DOCK3: variants seen among roughly 807,000 people sequenced by gnomAD.
DOCK3 encodes the protein dedicator of cytokinesis 3, also known as dedicator of cytokinesis protein 3.
Under a neutral mutation model 265.6 loss-of-function variants are expected in DOCK3, and 60 were observed. The ratio of observed to expected loss-of-function variants is 0.23; its 90% confidence interval spans 0.18 to 0.28. The LOEUF (loss-of-function observed/expected upper bound fraction) is 0.28, where lower values mean the gene tolerates loss of function less well. DOCK3 is among the 10% of genes least tolerant of loss of function. The probability of loss-of-function intolerance (pLI) is 1.00; values close to 1 mark genes in which losing one functional copy is unlikely to be tolerated. For synonymous variants in DOCK3, 881 were observed against 938.0 expected (o/e 0.94, Z 1.11); for missense variants, 1,981 against 2,594.3 (o/e 0.76, Z 5.14).
chr3:50,868,972 CA>C (rs1339842794), intron 3 of DOCK3, among the ~76,000 whole-genome samples: 14 of 115,088 alleles, frequency 1.2e-4, no homozygotes, highest in African/African-American at 4.7e-4. Flanking sequence ...TTCAAAAAAC[CA>C]ACTCTTTTTT....
At chr3:51,302,900 G>A (rs904949810) in intron 27 of DOCK3, among the ~76,000 whole-genome samples, 2 of 151,994 alleles carry the variant, frequency 1.3e-5, no homozygotes, top group African/African-American at 4.8e-5. Flanking sequence ...ATGTGTCTTG[G>A]GGTTGATCTT....
At chr3:50,794,587 A>AT (rs577022978) in intron 2 of DOCK3, among the ~76,000 whole-genome samples, 210 of 151,990 alleles carry the variant, frequency 1.4e-3, no homozygotes, top group African/African-American at 4.9e-3. Context: ...TGCTTGGTAG[A>AT]TTTTTCTCCA....
intron 9 of DOCK3, among the ~76,000 whole-genome samples, chr3:51,100,147 T>G (rs941413093): frequency 6.6e-6 from 1 of 152,220 alleles, no homozygotes; most frequent in African/African-American, 2.4e-5. Flanking sequence ...ATTTTGTTTC[T>G]GGTATGGTGG....
At chr3:51,081,202 A>G (rs2096944797) in intron 7 of DOCK3, among the ~76,000 whole-genome samples, 1 of 152,188 alleles carries the variant, frequency 6.6e-6, no homozygotes, top group African/African-American at 2.4e-5. Context: ...TGGAAAAGAA[A>G]TGGAAACTTC....
intron 7 of DOCK3, among the ~76,000 whole-genome samples, chr3:51,086,696 G>C (rs1167970464): frequency 6.6e-6 from 1 of 152,186 alleles, no homozygotes; most frequent in East Asian, 1.9e-4. Flanking sequence ...TACTCAGGAG[G>C]CTGAGGCAGG....
rs777209993 is a variant in DOCK3, at chr3:50,675,278, G to A, written c.15G>A (p.Thr5=). The part of the protein sequence containing the change: MWTP[T]EEEKYGVVIC... ...CCGGCACGGCCATGTGGACCCCCAC[G>A]GAGGAGGAGAAATACGGCGTAGGTA... Residue 5 remains threonine, a synonymous_variant, in exon 1 of 53, where the codon ACG becomes ACA. Coordinates refer to ENST00000266037, the MANE Select transcript of DOCK3 (RefSeq NM_004947.5). The surrounding 1 kb of genome is among the most constrained non-coding windows in gnomAD (Gnocchi z 6.1). 5 of 1,264,320 alleles carry A rather than the reference G, an allele frequency of 4.0e-6. No homozygotes were observed. Among genetic ancestry groups the A allele is most frequent in the South Asian group, 2.6e-5 (1 of 38,552 alleles). The allele number at this position is 1,264,320 out of a possible 1,614,324, so 78.3% of individuals were successfully genotyped here. A position where few individuals can be genotyped will look rare whatever the true frequency, so the allele number is the denominator to read the frequency against.
At chr3:51,088,249 G>A (rs879821623) in intron 7 of DOCK3, among the ~76,000 whole-genome samples, 4 of 152,152 alleles carry the variant, frequency 2.6e-5, no homozygotes, top group Non-Finnish European at 5.9e-5. Flanking sequence ...TAAAAAAGTG[G>A]TTACCAAAGG....
chr3:51,137,848 T>C (rs2084875208), intron 9 of DOCK3, among the ~76,000 whole-genome samples: 1 of 152,218 alleles, frequency 6.6e-6, no homozygotes, highest in South Asian at 2.1e-4. Context: ...AGATAGTAAC[T>C]TAGAAAGATG....
At chr3:50,891,165 C>G (rs1294934386) in intron 4 of DOCK3, among the ~76,000 whole-genome samples, 1 of 152,070 alleles carries the variant, frequency 6.6e-6, no homozygotes, top group East Asian at 1.9e-4. Context: ...AAACACACCT[C>G]TTCACCTTCT....
At chr3:50,932,698 A>G (rs534592442) in intron 4 of DOCK3, among the ~76,000 whole-genome samples, 3 of 152,202 alleles carry the variant, frequency 2.0e-5, no homozygotes, top group Admixed American at 1.3e-4. Flanking sequence ...CATCTTGCAT[A>G]CTTTTCTCGT....
intron 3 of DOCK3, among the ~76,000 whole-genome samples, chr3:50,855,493 G>T (rs1575366938): frequency 6.6e-6 from 1 of 152,134 alleles, no homozygotes; most frequent in East Asian, 1.9e-4. Context: ...CGTGACACTG[G>T]TTTTTGTATG....
chr3:51,140,088 T>C lies in DOCK3; in HGVS notation c.747-6461T>C, dbSNP rs150012030. ...AAAAGTTTGTTGTTTGTTGGTTTTC[T>C]GTAACAGCCTTTTGTAACATAATTC... On this transcript the variant is annotated intron_variant, in intron 9 of 52. Coordinates refer to ENST00000266037, the MANE Select transcript of DOCK3 (RefSeq NM_004947.5). 4.8e-3 allele frequency among the ~76,000 whole-genome samples: 732 copies of C among 152,354 alleles called. 4 individuals carry two copies. The highest frequency in any genetic ancestry group is 7.7e-3 in the Non-Finnish European group (522 of 68,030).
At chr3:51,362,131 A>G (rs914364150) in intron 48 of DOCK3, 134 bp downstream of exon 48, 2 of 1,171,100 alleles carry the variant, frequency 1.7e-6, no homozygotes, top group Admixed American at 5.7e-5. Flanking sequence ...ACCCCTCACC[A>G]GAGCTAGAAA....
chr3:51,273,226 C>G (rs892056421), intron 24 of DOCK3, among the ~76,000 whole-genome samples: 3 of 151,926 alleles, frequency 2.0e-5, no homozygotes, highest in East Asian at 1.9e-4. Flanking sequence ...GCAGACTGCT[C>G]TCACTGACAT....
At position 51,373,461 on chromosome 3, in the gene DOCK3, G is replaced by C. The variant is rs55700670; in HGVS notation, c.5294-1008G>C. On this transcript the variant is annotated intron_variant, in intron 49 of 52. Transcript: ENST00000266037. The stretch of plus-strand genomic sequence containing the variant: ...CCAGTGGTTTCTCATGGATATGCTG[G>C]TATCTGGTACAATGAGCACATTTGG... Among the ~76,000 whole-genome samples, 938 of 152,312 alleles carry C rather than the reference G, an allele frequency of 6.2e-3. 11 individuals carry two copies. The highest frequency in any genetic ancestry group is 0.022 in the African/African-American group (901 of 41,566).
chr3:51,374,337 G>A lies in DOCK3; in HGVS notation c.5294-132G>A. On this transcript the variant is annotated intron_variant, in intron 49 of 52. Transcript: ENST00000266037. The surrounding 1 kb of genome is among the most constrained non-coding windows in gnomAD (Gnocchi z 4.8). Reference sequence around the variant, plus strand: ...CCAGACTCTGCTTCATTCCTCCTGTGCTTGCTGAGTTCATCCTCACCCTAA... The same window carrying A: ...CCAGACTCTGCTTCATTCCTCCTGTACTTGCTGAGTTCATCCTCACCCTAA... The A allele has an allele frequency of 5.2e-6, 4 of 769,684 alleles. No individual in the cohort carries two copies. The South Asian group carries it at 6.7e-5, about 13-fold the overall frequency. 47.7% of individuals were successfully genotyped at this position (769,684 alleles called of 1,614,324 possible).
intron 29 of DOCK3, among the ~76,000 whole-genome samples, 154 bp from the exon 30 acceptor site, chr3:51,312,322 A>C (rs1576759357): frequency 6.6e-6 from 1 of 152,216 alleles, no homozygotes; most frequent in Admixed American, 6.5e-5. Flanking sequence ...GGAAAAAAAG[A>C]AAAATTCTTG....
At chr3:51,087,265 C>T (rs1024006579) in intron 7 of DOCK3, among the ~76,000 whole-genome samples, 2 of 152,166 alleles carry the variant, frequency 1.3e-5, no homozygotes, top group African/African-American at 2.4e-5. Flanking sequence ...AATCCAACAA[C>T]ATGTCAAAAA....
chr3:51,036,422 C>A (rs1209016462), intron 5 of DOCK3, among the ~76,000 whole-genome samples: 1 of 152,166 alleles, frequency 6.6e-6, no homozygotes, highest in Admixed American at 6.6e-5. Context: ...TCAAAATATT[C>A]ATTGCCTGAC....
Sources: allele counts gnomAD v4.1 joint callset (sites outside exome capture counted in the v4.1 genomes callset), GRCh38; gene constraint gnomAD v4.1.1; non-coding constraint Gnocchi (gnomAD v3.1); transcripts MANE v1.5; gene names NCBI Gene and HGNC (gene_info 2026-07-23, HGNC 2026-07-21).